BSN: variants seen among roughly 807,000 people sequenced by gnomAD.
BSN encodes the protein protein bassoon.
Under a neutral mutation model 264.8 loss-of-function variants are expected in BSN, and 57 were observed. That is an observed-to-expected ratio of 0.22 (90% CI 0.17 to 0.27). The LOEUF is 0.27. Among genes scored for constraint, BSN ranks in the 10% least tolerant of loss-of-function variants. The pLI, the probability that BSN is intolerant of heterozygous loss-of-function variation, is 1.00. For synonymous variants in BSN, 2,059 were observed against 2,137.3 expected (o/e 0.96, Z 1.01); for missense variants, 4,615 against 5,232.5 (o/e 0.88, Z 3.64).
intron 1 of BSN, among the ~76,000 whole-genome samples, chr3:49,573,308 G>A (rs948277648): frequency 6.6e-6 from 1 of 152,206 alleles, no homozygotes; most frequent in Admixed American, 6.5e-5. Context: ...AACCACACAT[G>A]CAAAGGCCCT....
At position 49,559,888 on chromosome 3, in the gene BSN, T is replaced by C. The variant is rs2051699921; in HGVS notation, c.224+5062T>C. ...TCTAGCTTTTTAAAAAAGAGTTTAT[T>C]GAAGGCTTCAGACATGGAGAGGCTG... is the stretch of plus-strand genomic sequence containing the variant. On this transcript the variant is annotated intron_variant, in intron 1 of 11. Coordinates refer to ENST00000296452, the MANE Select transcript of BSN (RefSeq NM_003458.4). 2.6e-5 allele frequency among the ~76,000 whole-genome samples: 4 copies of C among 152,218 alleles called. No individual in the cohort carries two copies. In the South Asian group the frequency reaches 8.3e-4, roughly 32 times the overall value.
intron 2 of BSN, chr3:49,641,919 C>T (rs1224680341): frequency 1.7e-5 from 4 of 237,812 alleles, no homozygotes; most frequent in Admixed American, 5.7e-5. Context: ...GGGAAGGCTA[C>T]TGGGTTCATC....
chr3:49,586,326 C>CTCTCTCTATCTA (rs2051937375), intron 1 of BSN, among the ~76,000 whole-genome samples: 1 of 149,496 alleles, frequency 6.7e-6, no homozygotes, highest in Admixed American at 6.7e-5. Context: ...GTTTTCCCAG[C>CTCTCTCTATCTA]TCTATCTATC....
intron 1 of BSN, among the ~76,000 whole-genome samples, chr3:49,566,978 C>A (rs532218855): frequency 6.6e-6 from 1 of 151,688 alleles, no homozygotes; most frequent in African/African-American, 2.4e-5. Flanking sequence ...TATCTGTCAA[C>A]CTTTTTTTTA....
In BSN at chr3:49,657,968, C is replaced by T. The variant is rs201490455; in HGVS notation, c.8412C>T (p.His2804=). 1.2e-4 allele frequency: 199 copies of T among 1,611,694 alleles called. 1 individual carries two copies. The Middle Eastern group carries it at 3.0e-3, about 24-fold the overall frequency. The part of the protein sequence containing the change: ...LYSPVSPLSP[H]RLLDTSFASS... Reference sequence around the variant, plus strand: ...CACCAGTCTCACCCCTGTCCCCTCACCGGCTCCTGGACACCTCCTTTGCTT... The same window carrying T: ...CACCAGTCTCACCCCTGTCCCCTCATCGGCTCCTGGACACCTCCTTTGCTT... Residue 2804 remains histidine, a synonymous_variant, in exon 5 of 12, where the codon CAC becomes CAT. Coordinates refer to ENST00000296452, the MANE Select transcript of BSN (RefSeq NM_003458.4).
chr3:49,572,633 A>C (rs2051806416), intron 1 of BSN, among the ~76,000 whole-genome samples: 1 of 152,140 alleles, frequency 6.6e-6, no homozygotes, highest in African/African-American at 2.4e-5. Context: ...TCCCGGGTTC[A>C]CGCCATTCTC....
In BSN at chr3:49,662,900, C is replaced by T. The variant is rs1008621996; in HGVS notation, c.10742C>T (p.Thr3581Met). 4 of 1,591,578 alleles carry T rather than the reference C, an allele frequency of 2.5e-6. No homozygotes were observed. The highest frequency in any genetic ancestry group is 2.6e-6 in the Non-Finnish European group (3 of 1,168,060). The change falls in exon 7 of 12, where the codon ACG becomes ATG. Residue 3581 changes from threonine to methionine, a missense_variant. By Grantham distance (81) the Thr-to-Met change is moderately conservative (BLOSUM62 -1). Transcript: ENST00000296452. ...SEAYHLGQEE[T>M]DWFDKPRDAR... ...GCGTATCACCTGGGCCAGGAGGAGA[C>T]GGACTGGTTTGATAAGCCCCGGGAT... is the stretch of plus-strand genomic sequence containing the variant.
At chr3:49,667,408 A>G (rs915027934) in intron 11 of BSN, among the ~76,000 whole-genome samples, 182 bp from the exon 12 acceptor site, 1 of 151,792 alleles carries the variant, frequency 6.6e-6, no homozygotes. Flanking sequence ...GTGACCTCCA[A>G]CCTGCCCAAG....
chr3:49,624,953 G>A, intron 1 of BSN, 22 bp from the exon 2 acceptor site: 1 of 1,498,986 alleles, frequency 6.7e-7, no homozygotes, highest in Non-Finnish European at 8.9e-7. Context: ...ATCTCTAACA[G>A]TCATTTTCAA....
Position 49,661,095 on chromosome 3 carries a change from C to G in BSN, c.9250C>G (p.Pro3084Ala). The change falls in exon 6 of 12, where the codon CCT becomes GCT. Residue 3084 changes from proline (P) to alanine (A), a missense_variant. Pro to Ala is a conservative substitution (Grantham distance 27). Transcript: ENST00000296452. ...GFPAHQAPTY[P>A]GPSTYPAPAF... is the part of the protein sequence containing the mutation. ...CCCAGCCCACCAGGCCCCCACCTACCCTGGCCCCAGCACGTACCCAGCTCC... is the reference window on the plus strand; with the variant it reads ...CCCAGCCCACCAGGCCCCCACCTACGCTGGCCCCAGCACGTACCCAGCTCC... 6.2e-7 allele frequency: 1 copy of G among 1,612,830 alleles called. No homozygotes were observed. Among genetic ancestry groups the G allele is most frequent in the South Asian group, 1.1e-5 (1 of 91,070 alleles).
chr3:49,657,381 G>A lies in BSN; in HGVS notation c.7825G>A (p.Asp2609Asn). 1 of 1,613,304 alleles carries A rather than the reference G, an allele frequency of 6.2e-7. No homozygotes were observed. The highest frequency in any genetic ancestry group is 8.5e-7 in the Non-Finnish European group (1 of 1,180,038). The change falls in exon 5 of 12, where the codon GAC becomes AAC. Residue 2609 changes from aspartate (D) to asparagine (N), a missense_variant. By Grantham distance (23) the Asp-to-Asn change is conservative. Around this residue, in one of 3 missense-constraint regions of BSN, gnomAD observed 3,415 missense variants for 3,866.4 expected, o/e 0.88. Transcript: ENST00000296452. ...SRRRRARRSA[D>N]CSVQTDDEDS... ...GCGACGCCGGGCACGGCGGAGTGCT[G>A]ACTGCAGTGTGCAGACGGACGACGA... is the stretch of plus-strand genomic sequence containing the variant.
chr3:49,598,433 G>T (rs2052042585), intron 1 of BSN, among the ~76,000 whole-genome samples: 1 of 152,276 alleles, frequency 6.6e-6, no homozygotes, highest in Non-Finnish European at 1.5e-5. Context: ...TATCCTAGGG[G>T]TCACCCCTGG....
In BSN at chr3:49,664,377, G is replaced by A; in HGVS notation, c.11609-46G>A. 3.7e-6 allele frequency: 6 copies of A among 1,613,302 alleles called. No individual in the cohort carries two copies. The South Asian group carries it at 6.6e-5, about 18-fold the overall frequency. On this transcript the variant is annotated intron_variant, in intron 8 of 11. Transcript: ENST00000296452. ...GGTACTTGCCCTCTTAGACCCTAAA[G>A]AGCCAGGCCGTGCATAGCTCATTAT...
chr3:49,619,208 A>T (rs914803430), intron 1 of BSN, among the ~76,000 whole-genome samples: 1 of 152,098 alleles, frequency 6.6e-6, no homozygotes, highest in South Asian at 2.1e-4. Context: ...GCCCAGCCCC[A>T]CTCTGTGAGC....
chr3:49,573,432 C>T (rs1265962991), intron 1 of BSN, among the ~76,000 whole-genome samples: 1 of 152,136 alleles, frequency 6.6e-6, no homozygotes, highest in Non-Finnish European at 1.5e-5. Flanking sequence ...TACTTCTAGC[C>T]AGGACATCCT....
chr3:49,621,945 C>T (rs1241753619), intron 1 of BSN, among the ~76,000 whole-genome samples: 1 of 152,076 alleles, frequency 6.6e-6, no homozygotes, highest in African/African-American at 2.4e-5. Context: ...AGAAATGGGG[C>T]AGTAGCTGAA....
intron 1 of BSN, among the ~76,000 whole-genome samples, chr3:49,565,237 C>A (rs1345829566): frequency 6.7e-6 from 1 of 149,856 alleles, no homozygotes; most frequent in African/African-American, 2.5e-5. Context: ...GCTCTGCCTC[C>A]AGGGTTCATG....
chr3:49,646,182 TG>T lies in BSN; in HGVS notation c.1518+3031del, dbSNP rs545215951. ...TCCTTTTTCCTTTTGAACTTTCCTC[TG>T]AAAAAAAATAACCATAGTGCTATTT... On this transcript the variant is annotated intron_variant, in intron 3 of 11. Transcript: ENST00000296452. Among the ~76,000 whole-genome samples, 299 of 152,250 alleles carry T rather than the reference TG, an allele frequency of 2.0e-3. 2 individuals carry two copies. The highest frequency in any genetic ancestry group is 6.8e-3 in the African/African-American group (284 of 41,560).
chr3:49,641,427 C>T (rs759373686), intron 2 of BSN, among the ~76,000 whole-genome samples: 1 of 152,198 alleles, frequency 6.6e-6, no homozygotes, highest in Non-Finnish European at 1.5e-5. Context: ...CTCTAACCGA[C>T]TCTGTTTGCC....
Sources: allele counts gnomAD v4.1 joint callset (sites outside exome capture counted in the v4.1 genomes callset), GRCh38; gene constraint gnomAD v4.1.1; regional missense constraint gnomAD v4.1.1; transcripts MANE v1.5; gene names NCBI Gene and HGNC (gene_info 2026-07-23, HGNC 2026-07-21).